Variants in NCAPG2 observed in about 807,000 individuals in gnomAD.
NCAPG2 encodes the protein condensin-2 complex subunit G2.
A neutral mutation model predicts 141.1 loss-of-function variants in NCAPG2; 53 were observed. The ratio of observed to expected loss-of-function variants is 0.38; its 90% CI spans 0.30 to 0.47. The LOEUF (loss-of-function observed/expected upper bound fraction) is 0.47, where lower values mean the gene tolerates loss of function less well. Among genes scored for constraint, NCAPG2 ranks in the 20% least tolerant of loss-of-function variants. The pLI is 0.99. For synonymous variants in NCAPG2, 499 were observed against 490.7 expected, an observed-to-expected ratio of 1.02 and a Z score of -0.22; for missense variants, 1,087 against 1,389.0, an observed-to-expected ratio of 0.78 and a Z score of 3.46.
chr7:158,656,481 A>T, intron 18 of NCAPG2, 48 bp from the exon 19 acceptor site: 1 of 1,610,112 alleles, frequency 6.2e-7, no homozygotes, highest in Non-Finnish European at 8.5e-7. Context: ...ACGTCCCTAG[A>T]AAAGCATGTA....
At chr7:158,664,876 C>A in intron 13 of NCAPG2, 126 bp from the exon 14 acceptor site, 2 of 704,356 alleles carry the variant, frequency 2.8e-6, no homozygotes, top group Non-Finnish European at 2.3e-6. Context: ...AAATTCACTT[C>A]GAATGACTAC....
rs73518606 is a variant in NCAPG2 at position 158,692,804 on chromosome 7, C to T, written c.382+38G>A. On this transcript the variant is annotated intron_variant, in intron 4 of 27. Transcript: ENST00000356309. ...AAACAAAAACAAGTATTTCAACACC[C>T]ACTTCTAAATATGCCATTTATAACA... 2.2e-3 allele frequency: 2,445 copies of T among 1,122,028 alleles called. 37 individuals are homozygous for T. In the African/African-American group the frequency reaches 0.034, roughly 16 times the overall value. The allele number at this position is 1,122,028 out of a possible 1,614,324, so 69.5% of individuals were successfully genotyped here.
At chr7:158,689,974 G>A (rs749294673) in intron 5 of NCAPG2, 21 bp from the exon 6 acceptor site, 40 of 1,480,652 alleles carry the variant, frequency 2.7e-5, no homozygotes, top group Middle Eastern at 1.8e-4. Flanking sequence ...CACAAAAAAT[G>A]TGATACCTTT....
rs372204255 is a variant in NCAPG2 at position 158,693,400 on chromosome 7, G to A, written c.176C>T (p.Thr59Ile). The A allele has an allele frequency of 1.9e-6, 3 of 1,613,868 alleles. No homozygotes were observed. The highest frequency in any genetic ancestry group is 2.7e-5 in the African/African-American group (2 of 74,906). The change falls in exon 3 of 28, where the codon ACA becomes ATA. Residue 59 changes from threonine to isoleucine, a missense_variant. Physicochemically the swap from Thr to Ile is moderately conservative, Grantham distance 89 (BLOSUM62 -1). Transcript: ENST00000356309. ...CACTGGGCTTTCTAACAACACATCT[G>A]TCAATAAATTCTTCAGCCTTTGCCA... is the stretch of plus-strand genomic sequence containing the variant. ...ELWQRLKNLL[T>I]DVLLESPVDG...
chr7:158,690,560 G>A lies in NCAPG2; in HGVS notation c.537+8C>T, dbSNP rs753603917. On this transcript the variant is annotated splice_region_variant and intron_variant, in intron 5 of 27. Coordinates refer to ENST00000356309, the MANE Select transcript of NCAPG2 (RefSeq NM_017760.7). ...CCCTGTCTTTAAAAAAATAAAAAGT[G>A]AGCATACTGTCTTAGTCTCCAGACT... The A allele has an allele frequency of 6.8e-6, 11 of 1,611,728 alleles. No homozygotes were observed. In the South Asian group the frequency reaches 9.9e-5, roughly 14 times the overall value.
chr7:158,681,332 A>G (rs940517722), intron 9 of NCAPG2, among the ~76,000 whole-genome samples: 3 of 152,358 alleles, frequency 2.0e-5, no homozygotes, highest in Middle Eastern at 3.4e-3. Context: ...CCCAAAACTT[A>G]TGAAAAAATC....
intron 27 of NCAPG2, chr7:158,639,839 G>A (rs1433029409): frequency 1.2e-5 from 12 of 976,770 alleles, no homozygotes; most frequent in Non-Finnish European, 1.5e-5. Flanking sequence ...CAAACCTAAT[G>A]CAAACATTCT....
chr7:158,632,761 G>C lies in NCAPG2; in HGVS notation c.3381-1044C>G, dbSNP rs75629052. Reference sequence around the variant, plus strand: ...CAGGTCAAAGGGTACAATGGATCAAGACCTTGCTTCTTTTTATTTTTTTAA... The same window carrying C: ...CAGGTCAAAGGGTACAATGGATCAACACCTTGCTTCTTTTTATTTTTTTAA... On this transcript the variant is annotated intron_variant, in intron 27 of 27. Coordinates refer to ENST00000356309, the MANE Select transcript of NCAPG2 (RefSeq NM_017760.7). Among the ~76,000 whole-genome samples the C allele has an allele frequency of 4.5e-3, 691 of 152,248 alleles. 41 individuals are homozygous for C. In the East Asian group the frequency reaches 0.12, roughly 26 times the overall value.
In NCAPG2 at chr7:158,654,682, C is replaced by G. The variant is rs748523530; in HGVS notation, c.2659G>C (p.Val887Leu). 3 of 1,613,648 alleles carry G rather than the reference C, an allele frequency of 1.9e-6. No homozygotes were observed. In the South Asian group the frequency reaches 3.3e-5, roughly 18 times the overall value. ...YQQIIQTYLT[V>L]CKDVVMVGLG... The stretch of plus-strand genomic sequence containing the variant: ...CCTACCATAACAACATCTTTACACA[C>G]AGTCAGGTAGGTCTGTAAGAGACAG... Residue 887 changes from valine to leucine, a missense_variant, in exon 22 of 28, where the codon GTG becomes CTG. Coordinates refer to ENST00000356309, the MANE Select transcript of NCAPG2 (RefSeq NM_017760.7).
chr7:158,649,485 A>AAC (rs1156340287), intron 24 of NCAPG2, among the ~76,000 whole-genome samples: 1 of 152,240 alleles, frequency 6.6e-6, no homozygotes, highest in East Asian at 1.9e-4. Flanking sequence ...ACTGATAAAA[A>AAC]ACAGATGGTG....
chr7:158,689,952 C>A lies in NCAPG2; in HGVS notation c.539G>T (p.Gly180Val). ...LLRRSLETKTGADVCRLWRIH... is the reference protein window; with the variant it reads ...LLRRSLETKTVADVCRLWRIH... ...ACGCCAAAGCCGACATACGTCTGCACCCTAGGAATGACACAAAAAATGTGA... is the reference window on the plus strand; with the variant it reads ...ACGCCAAAGCCGACATACGTCTGCAACCTAGGAATGACACAAAAAATGTGA... The change falls in exon 6 of 28, where the codon GGT (glycine) becomes GTT (valine). Residue 180 changes from glycine (G) to valine (V), a missense_variant and splice_region_variant. Transcript: ENST00000356309. 6.6e-7 allele frequency: 1 copy of A among 1,516,708 alleles called. No individual in the cohort carries two copies. The highest frequency in any genetic ancestry group is 8.8e-7 in the Non-Finnish European group (1 of 1,137,150). 94.0% of individuals were successfully genotyped at this position (1,516,708 alleles called of 1,614,324 possible).
intron 17 of NCAPG2, among the ~76,000 whole-genome samples, chr7:158,656,978 C>T (rs1832028937): frequency 1.3e-5 from 2 of 152,196 alleles, no homozygotes; most frequent in Admixed American, 1.3e-4. Context: ...GTTTCTGTGC[C>T]ATCTGTCAGA....
chr7:158,649,075 A>G (rs1253477781), intron 24 of NCAPG2, among the ~76,000 whole-genome samples: 2 of 152,250 alleles, frequency 1.3e-5, no homozygotes, highest in Admixed American at 1.3e-4. Flanking sequence ...ATGCAAACAC[A>G]AAGCACAAGA....
At chr7:158,681,195 T>G (rs1834431843) in intron 9 of NCAPG2, among the ~76,000 whole-genome samples, 1 of 152,238 alleles carries the variant, frequency 6.6e-6, no homozygotes, top group African/African-American at 2.4e-5. Context: ...GAGCTCACGC[T>G]TGTTCCAAAA....
At chr7:158,674,665 A>G (rs1833946824) in intron 12 of NCAPG2, among the ~76,000 whole-genome samples, 1 of 152,222 alleles carries the variant, frequency 6.6e-6, no homozygotes, top group African/African-American at 2.4e-5. Context: ...AGAAGCTCCC[A>G]CTAGGGCATG....
chr7:158,667,264 G>A (rs955422756), intron 13 of NCAPG2: 11 of 978,510 alleles, frequency 1.1e-5, no homozygotes, highest in Non-Finnish European at 1.3e-5. Context: ...GAGACCCTGT[G>A]TCCCTCCGCC....
intron 13 of NCAPG2, among the ~76,000 whole-genome samples, chr7:158,666,578 T>C (rs1015059294): frequency 6.6e-6 from 1 of 151,172 alleles, no homozygotes; most frequent in African/African-American, 2.4e-5. Context: ...CCTTTCATTA[T>C]CACACAAATG....
At chr7:158,670,702 A>G (rs1007639603) in intron 13 of NCAPG2, among the ~76,000 whole-genome samples, 1 of 152,214 alleles carries the variant, frequency 6.6e-6, no homozygotes, top group African/African-American at 2.4e-5. Context: ...CTATGCTTTT[A>G]TACTTCCATA....
chr7:158,692,569 CT>C (rs1313898160), intron 4 of NCAPG2, among the ~76,000 whole-genome samples: 12 of 152,148 alleles, frequency 7.9e-5, no homozygotes, highest in African/African-American at 2.9e-4. Context: ...TGGAGAAACC[CT>C]GTCTCTACTA....
Sources: allele counts gnomAD v4.1 joint callset (sites outside exome capture counted in the v4.1 genomes callset), GRCh38; gene constraint gnomAD v4.1.1; transcripts MANE v1.5; gene names NCBI Gene and HGNC (gene_info 2026-07-23, HGNC 2026-07-21).